Variants in CRACD observed in about 807,000 individuals in gnomAD.
CRACD encodes the protein capping protein inhibiting regulator of actin dynamics.
CRACD carries 56 observed loss-of-function variants against 106.8 expected under a neutral mutation model. The observed-to-expected ratio is 0.52, with a 90% CI of 0.42 to 0.66. The LOEUF (loss-of-function observed/expected upper bound fraction) is 0.66, where lower values mean the gene tolerates loss of function less well. CRACD is among the 30% of genes least tolerant of loss of function. The probability of loss-of-function intolerance (pLI) is 0.00; values close to 1 mark genes in which losing one functional copy is unlikely to be tolerated. For missense variants in CRACD, 1,730 were observed against 1,623.2 expected, an observed-to-expected ratio of 1.07 and a Z score of -1.13; for synonymous variants, 754 against 670.8, an observed-to-expected ratio of 1.12 and a Z score of -1.92.
intron 2 of CRACD, among the ~76,000 whole-genome samples, chr4:56,205,653 G>T (rs908772009): frequency 2.5e-4 from 37 of 149,360 alleles, no homozygotes; most frequent in African/African-American, 8.6e-4. Context: ...GTATTTATTT[G>T]TTTATTTAGA....
At chr4:56,310,285 G>T (rs1745053022) in intron 5 of CRACD, among the ~76,000 whole-genome samples, 1 of 152,118 alleles carries the variant, frequency 6.6e-6, no homozygotes. Context: ...GAGAAGGGGA[G>T]AGGCAGCCAG....
intron 2 of CRACD, among the ~76,000 whole-genome samples, chr4:56,181,862 C>A (rs973188151): frequency 6.6e-6 from 1 of 152,148 alleles, no homozygotes; most frequent in Non-Finnish European, 1.5e-5. Flanking sequence ...TTCAATGTGA[C>A]CTCATCTTAA....
intron 8 of CRACD, among the ~76,000 whole-genome samples, chr4:56,322,828 A>T (rs1240557154): frequency 6.6e-6 from 1 of 152,224 alleles, no homozygotes; most frequent in Non-Finnish European, 1.5e-5. Context: ...CAGGAGTTCG[A>T]GACCAGCCTG....
intron 2 of CRACD, among the ~76,000 whole-genome samples, chr4:56,241,429 A>C (rs769540457): frequency 5.9e-5 from 9 of 152,088 alleles, no homozygotes; most frequent in Non-Finnish European, 1.0e-4. Flanking sequence ...TGAGTGAATA[A>C]AAGCAACTAG....
intron 1 of CRACD, among the ~76,000 whole-genome samples, chr4:56,078,993 A>G (rs1277050009): frequency 2.6e-5 from 4 of 152,202 alleles, no homozygotes; most frequent in Non-Finnish European, 4.4e-5. Context: ...TAATTCACAT[A>G]TGGAGCTCTC....
At chr4:56,096,081 C>T (rs1368436300) in intron 1 of CRACD, among the ~76,000 whole-genome samples, 3 of 151,876 alleles carry the variant, frequency 2.0e-5, no homozygotes, top group Admixed American at 2.0e-4. Flanking sequence ...AGCAGGTTTG[C>T]AGGGGAGGAT....
chr4:56,214,681 C>CTCTATATATA, intron 2 of CRACD, among the ~76,000 whole-genome samples: 217 of 80,990 alleles, frequency 2.7e-3, no homozygotes, highest in African/African-American at 8.8e-3. Flanking sequence ...CTCTCTCTCT[C>CTCTATATATA]TATATATATA....
chr4:56,283,410 C>A (rs1171891219), intron 3 of CRACD, among the ~76,000 whole-genome samples: 1 of 152,204 alleles, frequency 6.6e-6, no homozygotes, highest in African/African-American at 2.4e-5. Context: ...TCCCTGAAAG[C>A]TCCTTCCCTT....
chr4:56,248,916 A>G (rs962933661), intron 2 of CRACD, among the ~76,000 whole-genome samples: 11 of 147,968 alleles, frequency 7.4e-5, no homozygotes, highest in Non-Finnish European at 1.3e-4. Context: ...CATCATTTTT[A>G]TGGCTGCATA....
At position 56,314,992 on chromosome 4, in the gene CRACD, C is replaced by A; in HGVS notation, c.1490C>A (p.Pro497Gln). 2 of 1,585,278 alleles carry A rather than the reference C, an allele frequency of 1.3e-6. No individual in the cohort carries two copies. The highest frequency in any genetic ancestry group is 8.6e-7 in the Non-Finnish European group (1 of 1,167,030). Residue 497 changes from proline (P) to glutamine (Q), a missense_variant, in exon 8 of 11, where the codon CCG becomes CAG. Physicochemically the swap from Pro to Gln is moderately conservative, Grantham distance 76 (BLOSUM62 -1). This residue lies in a region of CRACD where 1,620 missense variants were observed against 1,481.6 expected (regional missense o/e 1.09). Transcript: ENST00000682029. The surrounding 1 kb of genome is among the most constrained non-coding windows in gnomAD (Gnocchi z 4.4). The part of the protein sequence containing the change: ...DTEPLLKQEG[P>Q]VEAAQPPVER... ...GAGCCTCTCCTGAAACAAGAGGGGCCGGTGGAAGCCGCGCAGCCTCCGGTG... is the reference window on the plus strand; with the variant it reads ...GAGCCTCTCCTGAAACAAGAGGGGCAGGTGGAAGCCGCGCAGCCTCCGGTG...
intron 1 of CRACD, among the ~76,000 whole-genome samples, chr4:56,142,663 C>A (rs1464409630): frequency 2.6e-5 from 4 of 152,036 alleles, no homozygotes; most frequent in African/African-American, 9.7e-5. Context: ...TTTTAGTATT[C>A]TAATGAGTTT....
Position 56,323,502 on chromosome 4 carries a change from G to A in CRACD, c.3313G>A (p.Ala1105Thr). 2 of 1,608,696 alleles carry A rather than the reference G, an allele frequency of 1.2e-6. No individual in the cohort carries two copies. Among genetic ancestry groups the A allele is most frequent in the African/African-American group, 2.7e-5 (2 of 74,550 alleles). The change falls in exon 9 of 11, where the codon GCG becomes ACG. Residue 1105 changes from alanine (A) to threonine (T), a missense_variant. Physicochemically the swap from Ala to Thr is moderately conservative, Grantham distance 58. Around this residue, in one of 5 missense-constraint regions of CRACD, gnomAD observed 1,620 missense variants for 1,481.6 expected, o/e 1.09. Transcript: ENST00000682029. ...GCAAAAGGGGTTTCGGGAGCAGCAG[G>A]CGACGCGGGAGGAGAGAAAGCAAGC... ...QKQKGFREQQ[A>T]TREERKQARE...
chr4:56,101,882 G>T (rs956617063), intron 1 of CRACD, among the ~76,000 whole-genome samples: 1 of 151,724 alleles, frequency 6.6e-6, no homozygotes, highest in Non-Finnish European at 1.5e-5. Flanking sequence ...ATTCCACTCA[G>T]ATTTGTTTAG....
At chr4:56,119,203 C>G (rs1258166914) in intron 1 of CRACD, among the ~76,000 whole-genome samples, 1 of 152,178 alleles carries the variant, frequency 6.6e-6, no homozygotes, top group East Asian at 1.9e-4. Flanking sequence ...ATGCTCTTAA[C>G]CACTACTCTG....
rs751419269 is a variant in CRACD, at chr4:56,316,565, C to A, written c.3063C>A (p.Pro1021=). The A allele has an allele frequency of 1.6e-5, 26 of 1,612,930 alleles. No homozygotes were observed. In the African/African-American group the frequency reaches 3.3e-4, roughly 21 times the overall value. The change falls in exon 8 of 11, where the codon CCC becomes CCA. Residue 1021 remains proline (P), a synonymous_variant. Coordinates refer to ENST00000682029, the MANE Select transcript of CRACD (RefSeq NM_001393381.1). ...GCCGGCCACCCTCGCCCCCAGGCCC[C>A]GAGGAAAGGAAGGGACAGAAGAGGG... is the stretch of plus-strand genomic sequence containing the variant. ...SDRRPPSPPG[P]EERKGQKRDE...
At chr4:56,235,087 A>G (rs1235912260) in intron 2 of CRACD, among the ~76,000 whole-genome samples, 1 of 152,236 alleles carries the variant, frequency 6.6e-6, no homozygotes, top group Non-Finnish European at 1.5e-5. Flanking sequence ...TCTACAAACT[A>G]TGGATTTTAA....
chr4:56,097,642 G>A (rs1040547214), intron 1 of CRACD: 1 of 152,320 alleles, frequency 6.6e-6, no homozygotes, highest in Non-Finnish European at 1.5e-5. Flanking sequence ...TGTGTGCAAG[G>A]ACATGATTGT....
At chr4:56,202,148 G>C (rs558566745) in intron 2 of CRACD, among the ~76,000 whole-genome samples, 1 of 152,326 alleles carries the variant, frequency 6.6e-6, no homozygotes, top group South Asian at 2.1e-4. Flanking sequence ...CTGTTTATGT[G>C]TAGGGAAACT....
chr4:56,301,371 C>T, intron 4 of CRACD: 1 of 444,944 alleles, frequency 2.2e-6, no homozygotes, highest in Non-Finnish European at 3.9e-6. Flanking sequence ...TTGTAGATGC[C>T]AGCATGGAAT....
Sources: allele counts gnomAD v4.1 joint callset (sites outside exome capture counted in the v4.1 genomes callset), GRCh38; gene constraint gnomAD v4.1.1; regional missense constraint gnomAD v4.1.1; non-coding constraint Gnocchi (gnomAD v3.1); transcripts MANE v1.5; gene names NCBI Gene and HGNC (gene_info 2026-07-23, HGNC 2026-07-21).